The following PPP2R2A variants were observed in gnomAD, a reference collection of about 807,000 sequenced individuals.
The protein encoded by PPP2R2A is protein phosphatase 2 regulatory subunit Balpha.
A neutral mutation model predicts 53.2 loss-of-function variants in PPP2R2A; 9 were observed. That is an observed-to-expected ratio of 0.17 (90% CI 0.10 to 0.30). The LOEUF is 0.30. PPP2R2A is among the 10% of genes least tolerant of loss of function. The pLI is 1.00. For missense variants in PPP2R2A, 235 were observed against 534.6 expected (o/e 0.44, Z 5.53); for synonymous variants, 169 against 174.2 (o/e 0.97, Z 0.23).
At chr8:26,325,779 T>C (rs1407779730) in intron 2 of PPP2R2A, among the ~76,000 whole-genome samples, 3 of 152,234 alleles carry the variant, frequency 2.0e-5, no homozygotes, top group African/African-American at 7.2e-5. Context: ...TTAATAGTTT[T>C]GTTGTGATGA....
chr8:26,346,132 A>ATTATTATTG (rs1554515092), intron 3 of PPP2R2A, among the ~76,000 whole-genome samples: 1 of 149,374 alleles, frequency 6.7e-6, no homozygotes, highest in African/African-American at 2.5e-5. Flanking sequence ...TATTATTATT[A>ATTATTATTG]TTATTATTAT....
rs1442256836 is a variant in PPP2R2A, at chr8:26,362,995, C to T, written c.802+147C>T. The T allele has an allele frequency of 4.5e-6, 3 of 665,252 alleles. No homozygotes were observed. 41.2% of individuals were successfully genotyped at this position (665,252 alleles called of 1,614,324 possible). A position where few individuals can be genotyped will look rare whatever the true frequency, so the allele number is the denominator to read the frequency against. The stretch of plus-strand genomic sequence containing the variant: ...TGTACCCTTGGTAATCTGCCTACCT[C>T]CTCATGAGGCATTCCAGGTTATTCC... On this transcript the variant is annotated intron_variant, in intron 7 of 9. Transcript: ENST00000380737. This position sits in a 1 kb window ranked among gnomAD's most constrained non-coding sequence, Gnocchi z 4.4.
rs1021057508 is a variant in PPP2R2A at position 26,320,365 on chromosome 8, T to C, written c.83-18525T>C. Among the ~76,000 whole-genome samples, 3 of 152,328 alleles carry C rather than the reference T, an allele frequency of 2.0e-5. No homozygotes were observed. In the East Asian group the frequency reaches 5.8e-4, roughly 29 times the overall value. The stretch of plus-strand genomic sequence containing the variant: ...GTTTTGGTTGATTCTTCCCCTCCGA[T>C]ATCATTAATATTCTCAGGAGATAGA... On this transcript the variant is annotated intron_variant, in intron 2 of 9. Coordinates refer to ENST00000380737, the MANE Select transcript of PPP2R2A (RefSeq NM_002717.4).
In PPP2R2A at chr8:26,312,012, T is replaced by C. The variant is rs144192112; in HGVS notation, c.82+18272T>C. Among the ~76,000 whole-genome samples, 10 of 147,512 alleles carry C rather than the reference T, an allele frequency of 6.8e-5. No homozygotes were observed. In the South Asian group the frequency reaches 2.2e-3, roughly 32 times the overall value. On this transcript the variant is annotated intron_variant, in intron 2 of 9. Coordinates refer to ENST00000380737, the MANE Select transcript of PPP2R2A (RefSeq NM_002717.4). ...TTGCTACCTAGGGCAACGTTGTAAATAGCATATTTTTTACATTATAAATAT... is the reference window on the plus strand; with the variant it reads ...TTGCTACCTAGGGCAACGTTGTAAACAGCATATTTTTTACATTATAAATAT...
rs559409041 is a variant in PPP2R2A, at chr8:26,347,431, T to C, written c.181-7037T>C. On this transcript the variant is annotated intron_variant, in intron 3 of 9. Coordinates refer to ENST00000380737, the MANE Select transcript of PPP2R2A (RefSeq NM_002717.4). ...GTGCATGGAGGGTTTTTTTTTTTTT[T>C]CCATTCCTTTCAGTAATGTGTAAAA... Among the ~76,000 whole-genome samples the C allele has an allele frequency of 2.3e-3, 336 of 148,704 alleles. 1 individual carries two copies. Among genetic ancestry groups the C allele is most frequent in the African/African-American group, 4.5e-3 (181 of 40,448 alleles).
chr8:26,359,901 ATTAC>A (rs927809143), intron 4 of PPP2R2A, among the ~76,000 whole-genome samples: 1 of 152,164 alleles, frequency 6.6e-6, no homozygotes, highest in Non-Finnish European at 1.5e-5. Context: ...TCTAGCTTTA[ATTAC>A]TTTTAAGGGA....
rs1251194631 is a variant in PPP2R2A, at chr8:26,352,100, A to G, written c.181-2368A>G. 4.6e-5 allele frequency among the ~76,000 whole-genome samples: 7 copies of G among 152,252 alleles called. No homozygotes were observed. In the South Asian group the frequency reaches 1.4e-3, roughly 31 times the overall value. On this transcript the variant is annotated intron_variant, in intron 3 of 9. Coordinates refer to ENST00000380737, the MANE Select transcript of PPP2R2A (RefSeq NM_002717.4). ...CATAGTGATCATAAAGGCAAGCAAG[A>G]AAAGAGAGGGAGGTGAAAATGCTGT...
At position 26,370,465 on chromosome 8, in the gene PPP2R2A, A is replaced by T; in HGVS notation, c.*52A>T. On this transcript the variant is annotated 3_prime_UTR_variant, in exon 10 of 10. Transcript: ENST00000380737. The surrounding 1 kb of genome is among the most constrained non-coding windows in gnomAD (Gnocchi z 6.1). ...ACTTCCTGCTTAGTTGAGATAGTTG[A>T]ATCTAGCATTCGTTCCTATAAAAGA... 1 of 1,577,176 alleles carries T rather than the reference A, an allele frequency of 6.3e-7. No individual in the cohort carries two copies. Among genetic ancestry groups the T allele is most frequent in the Non-Finnish European group, 8.7e-7 (1 of 1,153,112 alleles).
chr8:26,293,461 T>C (rs1006848864), intron 1 of PPP2R2A: 1 of 697,144 alleles, frequency 1.4e-6, no homozygotes, highest in Admixed American at 3.1e-5. Flanking sequence ...TTTAAATATT[T>C]CGTACCTGGA....
intron 3 of PPP2R2A, among the ~76,000 whole-genome samples, chr8:26,350,237 G>A (rs1804422684): frequency 6.6e-6 from 1 of 151,834 alleles, no homozygotes; most frequent in Non-Finnish European, 1.5e-5. Flanking sequence ...CTAAATTTTT[G>A]TATTTTTGGT....
At chr8:26,335,286 A>G (rs531631307) in intron 2 of PPP2R2A, among the ~76,000 whole-genome samples, 5 of 152,162 alleles carry the variant, frequency 3.3e-5, no homozygotes, top group African/African-American at 7.2e-5. Context: ...GCATTTCACA[A>G]CTTAGAAGAG....
intron 2 of PPP2R2A, among the ~76,000 whole-genome samples, chr8:26,327,811 C>G (rs189552948): frequency 1.3e-5 from 2 of 152,248 alleles, no homozygotes; most frequent in East Asian, 3.9e-4. Flanking sequence ...TTGTAAAGTT[C>G]ATTTACTGTG....
intron 1 of PPP2R2A, chr8:26,293,307 C>G (rs937617522): frequency 6.6e-7 from 1 of 1,514,134 alleles, no homozygotes; most frequent in Non-Finnish European, 8.9e-7. Flanking sequence ...ATTAACTCTT[C>G]TGCAGGCTTT....
rs1802585097 is a variant in PPP2R2A, at chr8:26,316,894, G to A, written c.83-21996G>A. Among the ~76,000 whole-genome samples, 3 of 152,178 alleles carry A rather than the reference G, an allele frequency of 2.0e-5. No individual in the cohort carries two copies. In the South Asian group the frequency reaches 6.2e-4, roughly 31 times the overall value. ...AGGTTTCAACATGTGAATTTTGTGG[G>A]GGATGAACATTTAGTCCATAGCAAC... On this transcript the variant is annotated intron_variant, in intron 2 of 9. Coordinates refer to ENST00000380737, the MANE Select transcript of PPP2R2A (RefSeq NM_002717.4).
intron 2 of PPP2R2A, among the ~76,000 whole-genome samples, chr8:26,306,043 C>T (rs979111593): frequency 2.0e-5 from 3 of 152,070 alleles, no homozygotes; most frequent in African/African-American, 7.2e-5. Flanking sequence ...CATGGTGGCA[C>T]GTGCCTGTAA....
intron 3 of PPP2R2A, among the ~76,000 whole-genome samples, chr8:26,350,154 C>T (rs953389806): frequency 6.6e-6 from 1 of 152,148 alleles, no homozygotes; most frequent in African/African-American, 2.4e-5. Flanking sequence ...GCAACCTCCT[C>T]CTCCCATCAA....
intron 1 of PPP2R2A, chr8:26,293,009 T>C: frequency 2.3e-6 from 1 of 431,186 alleles, no homozygotes. Context: ...TTGCACGAGA[T>C]GACATTAGCA....
chr8:26,351,893 C>T (rs1804539559), intron 3 of PPP2R2A, among the ~76,000 whole-genome samples: 1 of 152,074 alleles, frequency 6.6e-6, no homozygotes, highest in Non-Finnish European at 1.5e-5. Flanking sequence ...GGTTTTGTGT[C>T]CTGTGTTTGT....
In PPP2R2A at chr8:26,299,376, T is replaced by C. The variant is rs994775324; in HGVS notation, c.82+5636T>C. On this transcript the variant is annotated intron_variant, in intron 2 of 9. Transcript: ENST00000380737. ...TCAGATGTTATTAAATATTTAATAA[T>C]GAACCTCATCTGCATATTTGATAGT... Among the ~76,000 whole-genome samples the C allele has an allele frequency of 2.0e-5, 3 of 152,330 alleles. No homozygotes were observed. In the East Asian group the frequency reaches 5.8e-4, roughly 29 times the overall value.
Sources: allele counts gnomAD v4.1 joint callset (sites outside exome capture counted in the v4.1 genomes callset), GRCh38; gene constraint gnomAD v4.1.1; non-coding constraint Gnocchi (gnomAD v3.1); transcripts MANE v1.5; gene names NCBI Gene and HGNC (gene_info 2026-07-23, HGNC 2026-07-21).